Variants in YWHAZ observed in about 807,000 individuals in gnomAD.
The protein encoded by YWHAZ is 14-3-3 protein zeta/delta.
For synonymous variants in YWHAZ, 87 were observed against 103.6 expected (o/e 0.84, Z 0.97); for missense variants, 79 against 284.8 (o/e 0.28, Z 5.20).
At chr8:100,938,410 A>T (rs962813134) in intron 2 of YWHAZ, among the ~76,000 whole-genome samples, 1 of 152,346 alleles carries the variant, frequency 6.6e-6, no homozygotes, top group East Asian at 1.9e-4. Context: ...TCAATGACTC[A>T]ATGAAATTTC....
In YWHAZ at chr8:100,924,400, C is replaced by T. The variant is rs1813222354; in HGVS notation, c.419-102G>A. The T allele has an allele frequency of 1.7e-6, 2 of 1,193,974 alleles. No individual in the cohort carries two copies. The highest frequency in any genetic ancestry group is 5.2e-5 in the Admixed American group (2 of 38,234). The allele number at this position is 1,193,974 out of a possible 1,614,324, so 74.0% of individuals were successfully genotyped here. On this transcript the variant is annotated intron_variant, in intron 3 of 5. Coordinates refer to ENST00000395958, the MANE Select transcript of YWHAZ (RefSeq NM_145690.3). This position sits in a 1 kb window ranked among gnomAD's most constrained non-coding sequence, Gnocchi z 5.7. Reference sequence around the variant, plus strand: ...CTCACATATCCTTTGAAATACTAACCTGTAACAGCTTAATATTTGTTAATT... The same window carrying T: ...CTCACATATCCTTTGAAATACTAACTTGTAACAGCTTAATATTTGTTAATT...
At position 100,919,359 on chromosome 8, in the gene YWHAZ, C is replaced by G. The variant is rs1373149923; in HGVS notation, c.*1334G>C. On this transcript the variant is annotated 3_prime_UTR_variant, in exon 6 of 6. Transcript: ENST00000395958. ...TAATGCTACCCAATGTCATGATGGG[C>G]CAAGAACATTGTGGCTTCCTAAGTT... 6.6e-6 allele frequency: 1 copy of G among 152,576 alleles called. No homozygotes were observed. Among genetic ancestry groups the G allele is most frequent in the Non-Finnish European group, 1.5e-5 (1 of 68,024 alleles). 9.5% of individuals were successfully genotyped at this position (152,576 alleles called of 1,614,324 possible). A position where few individuals can be genotyped will look rare whatever the true frequency, so the allele number is the denominator to read the frequency against.
At chr8:100,921,800 T>C (rs1813042915) in intron 5 of YWHAZ, among the ~76,000 whole-genome samples, 3 of 152,240 alleles carry the variant, frequency 2.0e-5, no homozygotes, top group Admixed American at 1.3e-4. Flanking sequence ...CTATTCCACC[T>C]GCTCCAATGT....
intron 1 of YWHAZ, chr8:100,950,897 G>C (rs945807079): frequency 6.2e-6 from 1 of 161,826 alleles, no homozygotes; most frequent in East Asian, 1.9e-4. Flanking sequence ...CAGCGGCTAT[G>C]CTCAGGCTCA....
At chr8:100,926,972 A>G (rs2130142028) in intron 2 of YWHAZ, among the ~76,000 whole-genome samples, 1 of 152,342 alleles carries the variant, frequency 6.6e-6, no homozygotes, top group Non-Finnish European at 1.5e-5. Context: ...CTTTGGGGTG[A>G]GTCTGGTTTT....
intron 2 of YWHAZ, among the ~76,000 whole-genome samples, chr8:100,937,991 G>A (rs1324828886): frequency 1.3e-5 from 2 of 152,156 alleles, no homozygotes; most frequent in East Asian, 1.9e-4. Context: ...TTAGCTGGGC[G>A]TGGTGGCGCA....
chr8:100,938,042 A>T (rs2130258917), intron 2 of YWHAZ, among the ~76,000 whole-genome samples: 1 of 152,288 alleles, frequency 6.6e-6, no homozygotes, highest in South Asian at 2.1e-4. Flanking sequence ...AGGCGGGAGA[A>T]TCACTTGAAC....
intron 1 of YWHAZ, chr8:100,950,414 A>T (rs1810626554): frequency 1.0e-6 from 1 of 985,334 alleles, no homozygotes; most frequent in African/African-American, 1.7e-5. Flanking sequence ...ACCTGACTTG[A>T]GACGTCGGTT....
intron 2 of YWHAZ, among the ~76,000 whole-genome samples, chr8:100,944,843 G>A (rs891646008): frequency 4.6e-5 from 7 of 152,060 alleles, no homozygotes; most frequent in African/African-American, 1.4e-4. Flanking sequence ...TTTCTCAGAG[G>A]GACTGAGTGA....
rs1226601758 is a variant in YWHAZ at position 100,951,983 on chromosome 8, G to A, written c.-66C>T. 6.0e-6 allele frequency: 6 copies of A among 1,003,752 alleles called. No homozygotes were observed. In the South Asian group the frequency reaches 1.6e-4, roughly 27 times the overall value. 62.2% of individuals were successfully genotyped at this position (1,003,752 alleles called of 1,614,324 possible). ...CGGACGGGCTCAGCAGTCTCTGGGCGGCGGCGGCGGCAGCAGCGGCGAGGC... is the reference window on the plus strand; with the variant it reads ...CGGACGGGCTCAGCAGTCTCTGGGCAGCGGCGGCGGCAGCAGCGGCGAGGC... On this transcript the variant is annotated 5_prime_UTR_variant, in exon 1 of 6. Transcript: ENST00000395958.
At chr8:100,935,464 C>T (rs535719798) in intron 2 of YWHAZ, among the ~76,000 whole-genome samples, 77 of 152,304 alleles carry the variant, frequency 5.1e-4, no homozygotes, top group Non-Finnish European at 8.4e-4. Flanking sequence ...CAGGTTGACA[C>T]TACATTCAAT....
At chr8:100,944,798 G>A (rs1810144450) in intron 2 of YWHAZ, among the ~76,000 whole-genome samples, 1 of 152,128 alleles carries the variant, frequency 6.6e-6, no homozygotes, top group Non-Finnish European at 1.5e-5. Flanking sequence ...ACAACCCTGT[G>A]GGATGAGTAT....
At position 100,917,448 on chromosome 8, in the gene YWHAZ, A is replaced by C. The variant is rs575711434; in HGVS notation, c.*3245T>G. The C allele has an allele frequency of 6.6e-6, 1 of 152,204 alleles. No individual in the cohort carries two copies. Among genetic ancestry groups the C allele is most frequent in the African/African-American group, 2.4e-5 (1 of 41,414 alleles). 9.4% of individuals were successfully genotyped at this position (152,204 alleles called of 1,614,324 possible). A position where few individuals can be genotyped will look rare whatever the true frequency, so the allele number is the denominator to read the frequency against. On this transcript the variant is annotated 3_prime_UTR_variant, in exon 6 of 6. Transcript: ENST00000395958. ...AAAAAAAACATACCAGGGTGGGCAC[A>C]GTGGCTCACGCCTGTAATCCCAGCA...
At chr8:100,953,274 T>TA, upstream of YWHAZ, 2 of 985,498 alleles carry the variant, frequency 2.0e-6, no homozygotes, top group Non-Finnish European at 2.4e-6. Flanking sequence ...ATTACCTTTT[T>TA]ATCTCCTAGA....
intron 2 of YWHAZ, among the ~76,000 whole-genome samples, chr8:100,942,988 C>A (rs1809984450): frequency 6.6e-6 from 1 of 152,106 alleles, no homozygotes; most frequent in Non-Finnish European, 1.5e-5. Flanking sequence ...TGAGTATAAT[C>A]CTGGGAACTA....
rs1198369487 is a variant in YWHAZ, at chr8:100,948,972, G to T, written c.-11-72C>A. On this transcript the variant is annotated intron_variant, in intron 1 of 5. Coordinates refer to ENST00000395958, the MANE Select transcript of YWHAZ (RefSeq NM_145690.3). This position sits in a 1 kb window ranked among gnomAD's most constrained non-coding sequence, Gnocchi z 4.2. ...AAACAGACTCAAAATTATACCTGTG[G>T]TAAATGAGTTTTTTAAACCTGAAAC... is the stretch of plus-strand genomic sequence containing the variant. The T allele has an allele frequency of 5.4e-6, 8 of 1,485,720 alleles. No homozygotes were observed. Among genetic ancestry groups the T allele is most frequent in the Non-Finnish European group, 7.1e-6 (8 of 1,119,322 alleles). 92.0% of individuals were successfully genotyped at this position (1,485,720 alleles called of 1,614,324 possible).
Position 100,948,224 on chromosome 8 carries a change from A to G in YWHAZ, c.294+372T>C. ...TATCCTATTACATCTCTCTTACCTA[A>G]AGTATGTAAAATTCCTTTATCCACA... is the stretch of plus-strand genomic sequence containing the variant. On this transcript the variant is annotated intron_variant, in intron 2 of 5. Transcript: ENST00000395958. The surrounding 1 kb of genome is among the most constrained non-coding windows in gnomAD (Gnocchi z 4.2). 1 of 1,248,304 alleles carries G rather than the reference A, an allele frequency of 8.0e-7. No individual in the cohort carries two copies. Among genetic ancestry groups the G allele is most frequent in the South Asian group, 1.5e-5 (1 of 66,962 alleles). 77.3% of individuals were successfully genotyped at this position (1,248,304 alleles called of 1,614,324 possible).
rs1229182876 is a variant in YWHAZ, at chr8:100,917,331, G to GT, written c.*3361_*3362insA. ...AACAGCTGTTAACTGGAAAAACAAA[G>GT]ACCATAAGCCAGAGCTGCAGGAAAG... On this transcript the variant is annotated 3_prime_UTR_variant, in exon 6 of 6. Coordinates refer to ENST00000395958, the MANE Select transcript of YWHAZ (RefSeq NM_145690.3). The GT allele has an allele frequency of 6.6e-6, 1 of 151,956 alleles. No individual in the cohort carries two copies. The highest frequency in any genetic ancestry group is 1.5e-5 in the Non-Finnish European group (1 of 68,038). The allele number at this position is 151,956 out of a possible 1,614,324, so 9.4% of individuals were successfully genotyped here.
At position 100,918,834 on chromosome 8, in the gene YWHAZ, C is replaced by T. The variant is rs1215948470; in HGVS notation, c.*1859G>A. On this transcript the variant is annotated 3_prime_UTR_variant, in exon 6 of 6. Coordinates refer to ENST00000395958, the MANE Select transcript of YWHAZ (RefSeq NM_145690.3). ...AGCTTACATTCTAAAAGAAAAAATA[C>T]ACCTTTTTTAAAATGGCATTTTTGT... 6.6e-6 allele frequency: 1 copy of T among 152,496 alleles called. No homozygotes were observed. The highest frequency in any genetic ancestry group is 2.4e-5 in the African/African-American group (1 of 41,404). The allele number at this position is 152,496 out of a possible 1,614,324, so 9.4% of individuals were successfully genotyped here. A position where few individuals can be genotyped will look rare whatever the true frequency, so the allele number is the denominator to read the frequency against.
Sources: gnomAD v4.1 joint callset for allele counts (sites outside exome capture counted in the v4.1 genomes callset) on GRCh38, gnomAD v4.1.1 for gene constraint, Gnocchi (gnomAD v3.1) non-coding constraint, MANE v1.5 for transcripts, NCBI Gene and HGNC (gene_info 2026-07-23, HGNC 2026-07-21) for gene names.